The following MSL3 variants were observed in gnomAD, a reference collection of about 807,000 sequenced individuals.
MSL3 encodes MSL3-like 1.
In MSL3, 5 loss-of-function variants were observed where a neutral mutation model predicts 37.2. The observed-to-expected ratio is 0.13, with a 90% CI of 0.07 to 0.28. The LOEUF is 0.28. Among genes scored for constraint, MSL3 ranks in the 10% least tolerant of loss-of-function variants. The probability of loss-of-function intolerance (pLI) is 1.00; values close to 1 mark genes in which losing one functional copy is unlikely to be tolerated. For missense variants in MSL3, 315 were observed against 408.5 expected, an observed-to-expected ratio of 0.77 and a Z score of 1.97; for synonymous variants, 149 against 147.6, an observed-to-expected ratio of 1.01 and a Z score of -0.07.
intron 4 of MSL3, among the ~76,000 whole-genome samples, chrX:11,761,288 C>A (rs2053130302): frequency 8.9e-6 from 1 of 112,529 alleles, no homozygotes; most frequent in Non-Finnish European, 1.9e-5. Context: ...ACTTTCCGAT[C>A]ATTAGCTAGT....
intron 10 of MSL3, among the ~76,000 whole-genome samples, chrX:11,770,738 C>T (rs760732728): frequency 4.5e-5 from 5 of 111,968 alleles, no homozygotes; most frequent in African/African-American, 6.5e-5. Context: ...CATTTTTCCC[C>T]GGAAAATGTG....
chrX:11,763,744 C>T, intron 7 of MSL3, 36 bp from the exon 8 acceptor site: 1 of 1,146,860 alleles, frequency 8.7e-7, no homozygotes, highest in Non-Finnish European at 1.2e-6. Flanking sequence ...GTACCTCTTA[C>T]TTGTGTCTCT....
At chrX:11,760,362 A>G (rs968786661) in intron 2 of MSL3, 41 bp from the exon 3 acceptor site, 3 of 1,013,685 alleles carry the variant, frequency 3.0e-6, no homozygotes, top group Non-Finnish European at 2.7e-6. Flanking sequence ...GTTGTTTCAT[A>G]TCAAACTAAA....
chrX:11,771,787 G>A (rs1601774026), intron 10 of MSL3, among the ~76,000 whole-genome samples: 1 of 111,786 alleles, frequency 8.9e-6, no homozygotes. Context: ...CAACATGTTG[G>A]CCAGGCTGGT....
chrX:11,765,996 T>C (rs763617998), intron 9 of MSL3: 26 of 1,004,999 alleles, frequency 2.6e-5, no homozygotes, highest in East Asian at 7.0e-5. Flanking sequence ...TGTGAGCAAA[T>C]TGAGTTATCA....
intron 9 of MSL3, 45 bp from the exon 10 acceptor site, chrX:11,768,526 CTT>C (rs1569095769): frequency 1.1e-6 from 1 of 906,082 alleles, no homozygotes; most frequent in East Asian, 3.1e-5. Context: ...TTGAGGCAGT[CTT>C]TAATTCAGTT....
chrX:11,765,091 A>C (rs915063387), intron 8 of MSL3, among the ~76,000 whole-genome samples: 4 of 112,540 alleles, frequency 3.6e-5, no homozygotes, highest in Non-Finnish European at 7.5e-5. Flanking sequence ...TGATGTTTTG[A>C]ATCAGATCTT....
intron 10 of MSL3, among the ~76,000 whole-genome samples, chrX:11,770,382 G>T (rs1002463096): frequency 1.8e-5 from 2 of 112,022 alleles, no homozygotes; most frequent in African/African-American, 6.5e-5. Context: ...GGGAAATCGT[G>T]AATTTAAGGG....
rs759485287 is a variant in MSL3 at position 11,774,998 on chromosome X, C to G, written c.1485C>G (p.His495Gln). Reference protein sequence around the residue: ...DLFLRFLAEYHDDFFPESAYV... With the variant: ...DLFLRFLAEYQDDFFPESAYV... ...TTTCCAGGTTTTTAGCAGAATACCA[C>G]GATGACTTCTTCCCAGAGTCGGCTT... is the stretch of plus-strand genomic sequence containing the variant. Residue 495 changes from histidine to glutamine, a missense_variant, in exon 13 of 13, where the codon CAC (histidine) becomes CAG (glutamine). Physicochemically the swap from His to Gln is conservative, Grantham distance 24. Transcript: ENST00000312196. 8.3e-7 allele frequency: 1 copy of G among 1,208,153 alleles called. No homozygotes were observed.
Position 11,765,674 on chromosome X carries a change from C to T in MSL3, c.1116C>T (p.Arg372=). 8.2e-7 allele frequency: 1 copy of T among 1,212,202 alleles called. No homozygotes were observed. The highest frequency in any genetic ancestry group is 1.1e-6 in the Non-Finnish European group (1 of 895,586). ...SESSASPQPK[R]RQQDTSASMP... is the part of the protein sequence containing the mutation. ...GCAGCGCTTCACCTCAGCCCAAGCG[C>T]CGGCAGCAGGACACATCCGCCAGCA... Residue 372 remains arginine, a synonymous_variant, in exon 9 of 13, where the codon CGC becomes CGT. Transcript: ENST00000312196.
chrX:11,764,810 C>T lies in MSL3; in HGVS notation c.909-657C>T, dbSNP rs1159062540. On this transcript the variant is annotated intron_variant, in intron 8 of 12. Transcript: ENST00000312196. ...TTCTCTTTCCGCCTGGCCGCCATCT[C>T]CTCTCAGCCATCCTTCCTTTGGTAG... Among the ~76,000 whole-genome samples, 3 of 111,963 alleles carry T rather than the reference C, an allele frequency of 2.7e-5. No homozygotes were observed. In the East Asian group the frequency reaches 8.4e-4, roughly 31 times the overall value.
intron 12 of MSL3, 49 bp downstream of exon 12, chrX:11,772,754 CTTTTCTG>C: frequency 1.4e-6 from 1 of 735,833 alleles, no homozygotes; most frequent in Non-Finnish European, 2.0e-6. Context: ...ATATATGTGG[CTTTTCTG>C]AACTTCTCTT....
At chrX:11,764,558 C>T (rs761959725) in intron 8 of MSL3, among the ~76,000 whole-genome samples, 3 of 111,260 alleles carry the variant, frequency 2.7e-5, no homozygotes, top group South Asian at 3.9e-4. Context: ...GTATTGTGCT[C>T]GCTCCCTCTT....
At chrX:11,764,736 G>T (rs1444815832) in intron 8 of MSL3, among the ~76,000 whole-genome samples, 1 of 111,901 alleles carries the variant, frequency 8.9e-6, no homozygotes, top group Admixed American at 9.4e-5. Flanking sequence ...CGGCCACCTT[G>T]CCCTGCCCTC....
chrX:11,771,234 G>T (rs192557809), intron 10 of MSL3, among the ~76,000 whole-genome samples: 1 of 112,227 alleles, frequency 8.9e-6, no homozygotes, highest in Non-Finnish European at 1.9e-5. Context: ...TGAATATGAC[G>T]TCCCAAAAGC....
At position 11,762,232 on chromosome X, in the gene MSL3, T is replaced by C. The variant is rs759382838; in HGVS notation, c.568T>C (p.Tyr190His). The stretch of plus-strand genomic sequence containing the variant: ...GAAGCAGCTGGAGGATGATTGTTAC[T>C]ACATTAACAGGAGGAAACGGGTATG... ...LKKQLEDDCY[Y>H]INRRKRLVKL... The change falls in exon 6 of 13, where the codon TAC (tyrosine) becomes CAC (histidine). Residue 190 changes from tyrosine (Y) to histidine (H), a missense_variant. Tyr to His is a moderately conservative substitution (Grantham distance 83, BLOSUM62 2). Coordinates refer to ENST00000312196, the MANE Select transcript of MSL3 (RefSeq NM_078629.4). 3 of 1,162,230 alleles carry C rather than the reference T, an allele frequency of 2.6e-6. No homozygotes were observed. The highest frequency in any genetic ancestry group is 4.1e-5 in the South Asian group (2 of 48,914).
Position 11,762,890 on chromosome X carries a change from G to A in MSL3, c.642G>A (p.Val214=), listed in dbSNP as rs778676766. 5.0e-6 allele frequency: 6 copies of A among 1,210,230 alleles called. No homozygotes were observed. The highest frequency in any genetic ancestry group is 6.7e-6 in the Non-Finnish European group (6 of 894,531). Residue 214 remains valine, a synonymous_variant, in exon 7 of 13, where the codon GTG becomes GTA. Transcript: ENST00000312196. ...TNIITILESY[V]KHFAINAAFS... ...TCATAACGATTTTGGAATCCTATGT[G>A]AAGCATTTTGCTATCAATGCAGCCT...
intron 9 of MSL3, chrX:11,766,846 C>G (rs888372077): frequency 1.6e-5 from 12 of 753,090 alleles, no homozygotes; most frequent in Non-Finnish European, 1.9e-5. Flanking sequence ...AGACACCCCT[C>G]ATAAATATCA....
Position 11,765,943 on chromosome X carries a change from G to T in MSL3, c.1171+214G>T, listed in dbSNP as rs908212174. 6 of 1,040,049 alleles carry T rather than the reference G, an allele frequency of 5.8e-6. No individual in the cohort carries two copies. In the African/African-American group the frequency reaches 1.1e-4, roughly 20 times the overall value. The allele number at this position is 1,040,049 out of a possible 1,213,427, so 85.7% of individuals were successfully genotyped here. On this transcript the variant is annotated intron_variant, in intron 9 of 12. Coordinates refer to ENST00000312196, the MANE Select transcript of MSL3 (RefSeq NM_078629.4). ...CGCAGCTGTGTTGGAGGCAGGACTG[G>T]GCTGTTTCCTCAGCCTTTCTTTTTT...
Sources: gnomAD v4.1 joint callset for allele counts (sites outside exome capture counted in the v4.1 genomes callset) on GRCh38, gnomAD v4.1.1 for gene constraint, MANE v1.5 for transcripts, NCBI Gene and HGNC (gene_info 2026-07-23, HGNC 2026-07-21) for gene names.